IMMP2L: variants seen among roughly 807,000 people sequenced by gnomAD.
IMMP2L encodes mitochondrial inner membrane protease subunit 2.
Under a neutral mutation model 19.3 loss-of-function variants are expected in IMMP2L, and 18 were observed. The ratio of observed to expected loss-of-function variants is 0.93; its 90% confidence interval spans 0.64 to 1.38. IMMP2L has a LOEUF of 1.38. Ranked by LOEUF, IMMP2L falls within the 40% of genes most tolerant of loss-of-function variation. The pLI is 0.00. For synonymous variants in IMMP2L, 76 were observed against 73.0 expected (o/e 1.04, Z -0.21); for missense variants, 233 against 218.2 (o/e 1.07, Z -0.43).
intron 3 of IMMP2L, among the ~76,000 whole-genome samples, chr7:111,196,039 T>C (rs1472148498): frequency 7.9e-5 from 12 of 151,964 alleles, no homozygotes; most frequent in Admixed American, 3.9e-4. Context: ...CACCGTTTTG[T>C]TTTGTTTTGT....
At chr7:111,337,460 G>A (rs1003280084) in intron 3 of IMMP2L, among the ~76,000 whole-genome samples, 2 of 117,056 alleles carry the variant, frequency 1.7e-5, no homozygotes, top group Admixed American at 1.5e-4. Flanking sequence ...AAGGATGGAT[G>A]GATGGATGGA....
intron 3 of IMMP2L, among the ~76,000 whole-genome samples, chr7:111,242,501 GT>G (rs1359864973): frequency 6.6e-6 from 1 of 152,044 alleles, no homozygotes; most frequent in Non-Finnish European, 1.5e-5. Flanking sequence ...TGGGAAAGCA[GT>G]TTTTGGAGTG....
chr7:111,021,383 T>C (rs1348337674), intron 3 of IMMP2L, among the ~76,000 whole-genome samples: 1 of 152,240 alleles, frequency 6.6e-6, no homozygotes, highest in East Asian at 1.9e-4. Flanking sequence ...ATTTGATTCC[T>C]TACTCACTGT....
chr7:111,366,730 T>G (rs1056635471), intron 3 of IMMP2L, among the ~76,000 whole-genome samples: 1 of 151,954 alleles, frequency 6.6e-6, no homozygotes. Flanking sequence ...TTTCGGAAGA[T>G]TCTAAAAAAA....
intron 5 of IMMP2L, among the ~76,000 whole-genome samples, chr7:110,791,825 G>T (rs2131151897): frequency 6.6e-6 from 1 of 151,896 alleles, no homozygotes; most frequent in Admixed American, 6.5e-5. Flanking sequence ...AGGATGATCT[G>T]AGCACCATCA....
intron 3 of IMMP2L, among the ~76,000 whole-genome samples, chr7:111,007,937 C>T (rs569753065): frequency 6.6e-5 from 10 of 152,156 alleles, no homozygotes; most frequent in South Asian, 6.2e-4. Flanking sequence ...TCCATCCTTC[C>T]GGGTTAAAAA....
At chr7:111,238,824 A>G (rs1657008690) in intron 3 of IMMP2L, among the ~76,000 whole-genome samples, 1 of 151,944 alleles carries the variant, frequency 6.6e-6, no homozygotes, top group Admixed American at 6.6e-5. Context: ...CTTGAGTTCA[A>G]TTTTGCCACT....
chr7:110,787,904 G>A (rs761472471), intron 5 of IMMP2L, among the ~76,000 whole-genome samples: 1 of 151,798 alleles, frequency 6.6e-6, no homozygotes, highest in Non-Finnish European at 1.5e-5. Context: ...TACATAATTA[G>A]TTAGAGAAGG....
At chr7:111,085,038 A>G (rs1166098646) in intron 3 of IMMP2L, among the ~76,000 whole-genome samples, 1 of 152,194 alleles carries the variant, frequency 6.6e-6, no homozygotes, top group Non-Finnish European at 1.5e-5. Context: ...GAATGGAGAG[A>G]GACATAGAGA....
At chr7:111,332,626 T>A (rs1584670081) in intron 3 of IMMP2L, among the ~76,000 whole-genome samples, 1 of 151,960 alleles carries the variant, frequency 6.6e-6, no homozygotes, top group South Asian at 2.1e-4. Flanking sequence ...AATAAACATG[T>A]AAAATGAAAA....
At chr7:111,113,091 T>A (rs1799435772) in intron 3 of IMMP2L, among the ~76,000 whole-genome samples, 1 of 152,158 alleles carries the variant, frequency 6.6e-6, no homozygotes, top group African/African-American at 2.4e-5. Flanking sequence ...CTACTCTGAG[T>A]TCCTTCAGAG....
At chr7:110,751,311 TATC>T (rs1797702873) in intron 5 of IMMP2L, among the ~76,000 whole-genome samples, 1 of 151,780 alleles carries the variant, frequency 6.6e-6, no homozygotes, top group Non-Finnish European at 1.5e-5. Context: ...AAAAGAAAAA[TATC>T]ATGACAATAC....
intron 3 of IMMP2L, among the ~76,000 whole-genome samples, chr7:111,069,171 G>A (rs1794749331): frequency 6.6e-6 from 1 of 152,184 alleles, no homozygotes; most frequent in African/African-American, 2.4e-5. Flanking sequence ...AAAGCAAACA[G>A]ATTCCTTCCT....
chr7:110,836,289 T>A (rs1263454977), intron 5 of IMMP2L, among the ~76,000 whole-genome samples: 1 of 152,144 alleles, frequency 6.6e-6, no homozygotes, highest in Non-Finnish European at 1.5e-5. Flanking sequence ...ACAAGTATTG[T>A]CATAAATTGG....
chr7:111,018,735 G>A (rs1825954089), intron 3 of IMMP2L, among the ~76,000 whole-genome samples: 1 of 151,378 alleles, frequency 6.6e-6, no homozygotes. Flanking sequence ...AAATTTGGAT[G>A]ACATACTTTG....
At chr7:110,843,738 T>C (rs898336344) in intron 5 of IMMP2L, among the ~76,000 whole-genome samples, 6 of 152,162 alleles carry the variant, frequency 3.9e-5, no homozygotes, top group Admixed American at 3.9e-4. Flanking sequence ...GAAAATGTGA[T>C]ATGGATAAGG....
chr7:111,433,259 AC>A (rs781470392), intron 3 of IMMP2L, among the ~76,000 whole-genome samples: 1 of 151,750 alleles, frequency 6.6e-6, no homozygotes, highest in African/African-American at 2.4e-5. Flanking sequence ...GGGGGAAACC[AC>A]CCCAGTATTA....
chr7:111,176,503 T>C (rs1807075177), intron 3 of IMMP2L, among the ~76,000 whole-genome samples: 1 of 151,902 alleles, frequency 6.6e-6, no homozygotes, highest in South Asian at 2.1e-4. Flanking sequence ...CTATGTTAAG[T>C]GAAATAAGCC....
Position 111,384,214 on chromosome 7 carries a change from G to GAGGAGAGAGGAGAA in IMMP2L, c.239+103010_239+103023dup, listed in dbSNP as rs140031104. 2.1e-3 allele frequency among the ~76,000 whole-genome samples: 296 copies of GAGGAGAGAGGAGAA among 142,360 alleles called. 3 individuals are homozygous for GAGGAGAGAGGAGAA. The highest frequency in any genetic ancestry group is 7.7e-3 in the African/African-American group (262 of 33,920). The allele number at this position is 142,360 out of a possible 152,430, so 93.4% of individuals were successfully genotyped here. On this transcript the variant is annotated intron_variant, in intron 3 of 5. Coordinates refer to ENST00000405709, the MANE Select transcript of IMMP2L (RefSeq NM_032549.4). The stretch of plus-strand genomic sequence containing the variant: ...GAGAAAGGAGAAAGGAGAGAAGAGA[G>GAGGAGAGAGGAGAA]AGGAGAGAGGAGAAAGGAGAGAGGA...
Sources: gnomAD v4.1 joint callset for allele counts (sites outside exome capture counted in the v4.1 genomes callset) on GRCh38, gnomAD v4.1.1 for gene constraint, MANE v1.5 for transcripts, NCBI Gene and HGNC (gene_info 2026-07-23, HGNC 2026-07-21) for gene names.